PDE4B: variants seen among roughly 807,000 people sequenced by gnomAD.
PDE4B encodes the protein 3',5'-cyclic-AMP phosphodiesterase 4B.
A neutral mutation model predicts 82.2 loss-of-function variants in PDE4B; 20 were observed. The observed-to-expected ratio is 0.24, with a 90% CI of 0.17 to 0.35. PDE4B has a LOEUF of 0.35. Among genes scored for constraint, PDE4B ranks in the 10% least tolerant of loss-of-function variants. PDE4B has a pLI of 1.00. For synonymous variants in PDE4B, 320 were observed against 318.9 expected (o/e 1.00, Z -0.04); for missense variants, 655 against 907.2 (o/e 0.72, Z 3.57).
chr1:66,195,950 C>T (rs1379718347), intron 3 of PDE4B, among the ~76,000 whole-genome samples: 3 of 140,176 alleles, frequency 2.1e-5, no homozygotes, highest in Admixed American at 7.2e-5. Flanking sequence ...TGTTAGTGGT[C>T]GTTGGCTGGC....
intron 3 of PDE4B, among the ~76,000 whole-genome samples, chr1:65,925,157 T>C (rs557751665): frequency 6.6e-6 from 1 of 152,334 alleles, no homozygotes; most frequent in Admixed American, 6.5e-5. Context: ...TTTTCTATTA[T>C]CTGTGTTTCC....
At chr1:65,997,339 T>C (rs979790013) in intron 3 of PDE4B, among the ~76,000 whole-genome samples, 1 of 152,150 alleles carries the variant, frequency 6.6e-6, no homozygotes, top group Non-Finnish European at 1.5e-5. Context: ...ATCTTGGAAA[T>C]CTTTTCTCGT....
At chr1:66,167,232 T>C (rs1646752573) in intron 3 of PDE4B, among the ~76,000 whole-genome samples, 1 of 152,146 alleles carries the variant, frequency 6.6e-6, no homozygotes, top group Admixed American at 6.5e-5. Context: ...CATAAATTCA[T>C]GCAAAAACCT....
At chr1:66,188,460 G>T (rs1647394199) in intron 3 of PDE4B, among the ~76,000 whole-genome samples, 1 of 152,060 alleles carries the variant, frequency 6.6e-6, no homozygotes. Flanking sequence ...TTATTATTGT[G>T]TGGGAGTCTA....
chr1:66,030,037 G>GGT (rs373619429), intron 3 of PDE4B, among the ~76,000 whole-genome samples: 3 of 144,366 alleles, frequency 2.1e-5, no homozygotes, highest in Admixed American at 6.9e-5. Context: ...TCTGTTGAGG[G>GGT]TTTTTTTTTT....
chr1:65,942,085 C>T (rs1479867309), intron 3 of PDE4B, among the ~76,000 whole-genome samples: 1 of 152,050 alleles, frequency 6.6e-6, no homozygotes, highest in African/African-American at 2.4e-5. Flanking sequence ...AACAAAATTC[C>T]GTTCCATAGC....
intron 3 of PDE4B, among the ~76,000 whole-genome samples, chr1:66,000,296 A>C (rs1258275599): frequency 1.3e-5 from 2 of 152,208 alleles, no homozygotes; most frequent in Non-Finnish European, 2.9e-5. Context: ...CATAGTGTAC[A>C]TTAGAATGCT....
intron 7 of PDE4B, among the ~76,000 whole-genome samples, chr1:66,288,147 C>T (rs1434563501): frequency 1.3e-5 from 2 of 151,396 alleles, no homozygotes; most frequent in East Asian, 3.9e-4. Flanking sequence ...CCTGAGGAAA[C>T]TTAACAGTCA....
intron 3 of PDE4B, among the ~76,000 whole-genome samples, chr1:65,927,348 A>G (rs1647557681): frequency 6.6e-6 from 1 of 150,760 alleles, no homozygotes; most frequent in South Asian, 2.1e-4. Flanking sequence ...GCAGGAGCAA[A>G]TGGGAATATT....
intron 2 of PDE4B, among the ~76,000 whole-genome samples, chr1:65,917,672 G>A (rs185488411): frequency 5.3e-5 from 8 of 152,250 alleles, no homozygotes; most frequent in Admixed American, 2.6e-4. Context: ...TTCTCACAAA[G>A]TGTATGATTA....
intron 3 of PDE4B, among the ~76,000 whole-genome samples, chr1:66,062,079 C>T (rs955794664): frequency 1.3e-5 from 2 of 152,034 alleles, no homozygotes; most frequent in Non-Finnish European, 1.5e-5. Context: ...GCTTATACAC[C>T]TAGTTTTGCA....
intron 1 of PDE4B, among the ~76,000 whole-genome samples, chr1:65,837,220 A>G (rs1338914420): frequency 1.3e-5 from 2 of 152,172 alleles, no homozygotes; most frequent in Non-Finnish European, 1.5e-5. Context: ...TTGTATATAC[A>G]AAGGACAAAG....
intron 3 of PDE4B, among the ~76,000 whole-genome samples, chr1:66,106,383 A>G (rs565819666): frequency 4.6e-5 from 7 of 152,226 alleles, no homozygotes; most frequent in Admixed American, 1.3e-4. Context: ...CATCAAGGAT[A>G]TTGGTCTAAA....
chr1:66,248,636 C>T (rs758015584), intron 4 of PDE4B, among the ~76,000 whole-genome samples: 19 of 152,214 alleles, frequency 1.2e-4, no homozygotes, highest in Non-Finnish European at 1.6e-4. Flanking sequence ...TACTGATTCT[C>T]TCCTTTGTGC....
At chr1:65,990,827 C>T (rs558719933) in intron 3 of PDE4B, among the ~76,000 whole-genome samples, 1 of 152,276 alleles carries the variant, frequency 6.6e-6, no homozygotes, top group East Asian at 1.9e-4. Context: ...AAGGTGATTA[C>T]TAGGATTCAG....
intron 3 of PDE4B, among the ~76,000 whole-genome samples, chr1:66,170,154 A>C (rs757533840): frequency 1.4e-4 from 21 of 152,194 alleles, no homozygotes; most frequent in Admixed American, 1.1e-3. Flanking sequence ...GATGTTGCAC[A>C]TTAGTTCCTC....
At chr1:66,102,898 C>G (rs1570240060) in intron 3 of PDE4B, among the ~76,000 whole-genome samples, 1 of 151,988 alleles carries the variant, frequency 6.6e-6, no homozygotes, top group Non-Finnish European at 1.5e-5. Flanking sequence ...AATATTGTTA[C>G]AATAGTATTA....
At chr1:65,818,649 T>C in intron 1 of PDE4B, among the ~76,000 whole-genome samples, 1 of 143,028 alleles carries the variant, frequency 7.0e-6, no homozygotes, top group East Asian at 2.0e-4. Context: ...TACATACATA[T>C]ATATATATGC....
intron 3 of PDE4B, among the ~76,000 whole-genome samples, chr1:66,131,435 T>C (rs1645940237): frequency 6.6e-6 from 1 of 151,038 alleles, no homozygotes; most frequent in Non-Finnish European, 1.5e-5. Context: ...AAGAACGTAT[T>C]AATGACATTG....
Sources: allele counts gnomAD v4.1 joint callset (sites outside exome capture counted in the v4.1 genomes callset), GRCh38; gene constraint gnomAD v4.1.1; transcripts MANE v1.5; gene names NCBI Gene and HGNC (gene_info 2026-07-23, HGNC 2026-07-21).